Variants in UEVLD observed in about 807,000 individuals in gnomAD.
UEVLD encodes UEV and lactate/malate dehyrogenase domains, also known as ubiquitin-conjugating enzyme E2 variant 3.
A neutral mutation model predicts 58.6 loss-of-function variants in UEVLD; 47 were observed. That is an observed-to-expected ratio of 0.80 (90% CI 0.63 to 1.02). The LOEUF is 1.02. Ranked by LOEUF, UEVLD falls within the 50% of genes least tolerant of loss-of-function variation. The pLI, the probability that UEVLD is intolerant of heterozygous loss-of-function variation, is 0.00. For missense variants in UEVLD, 510 were observed against 550.6 expected (o/e 0.93, Z 0.74); for synonymous variants, 197 against 195.3 (o/e 1.01, Z -0.07).
chr11:18,584,568 G>A (rs1231311440), intron 1 of UEVLD, among the ~76,000 whole-genome samples: 1 of 152,252 alleles, frequency 6.6e-6, no homozygotes, highest in East Asian at 1.9e-4. Flanking sequence ...TGTGATTAGT[G>A]ATTTTATTCC....
chr11:18,565,580 G>A (rs1048302512), intron 5 of UEVLD, among the ~76,000 whole-genome samples: 2 of 152,172 alleles, frequency 1.3e-5, no homozygotes, highest in South Asian at 2.1e-4. Flanking sequence ...TGTAATCCCT[G>A]AACTTTGGGA....
chr11:18,587,125 T>C (rs1317296555), intron 1 of UEVLD, among the ~76,000 whole-genome samples: 4 of 152,204 alleles, frequency 2.6e-5, no homozygotes, highest in African/African-American at 9.6e-5. Context: ...TATTCTACTC[T>C]CACCCTTGAA....
chr11:18,570,109 C>A (rs182504618), intron 4 of UEVLD, 105 bp downstream of exon 4: 3 of 1,196,442 alleles, frequency 2.5e-6, no homozygotes, highest in African/African-American at 3.2e-5. Flanking sequence ...TGAAGAATAT[C>A]ATTGAAAGAA....
In UEVLD at chr11:18,531,316, C is replaced by T. The variant is rs192322377; in HGVS notation, c.*1004G>A. The stretch of plus-strand genomic sequence containing the variant: ...AATAATAAAGTGCTTATCATGCTGC[C>T]TGGTATATATGAAGTGTTGATGTTA... On this transcript the variant is annotated 3_prime_UTR_variant, in exon 12 of 12. Transcript: ENST00000396197. 4.6e-5 allele frequency: 7 copies of T among 152,208 alleles called. No homozygotes were observed. The highest frequency in any genetic ancestry group is 3.9e-4 in the Admixed American group (6 of 15,294). The allele number at this position is 152,208 out of a possible 1,614,324, so 9.4% of individuals were successfully genotyped here.
intron 9 of UEVLD, among the ~76,000 whole-genome samples, chr11:18,541,440 A>G (rs1477895039): frequency 6.6e-6 from 1 of 152,218 alleles, no homozygotes; most frequent in Non-Finnish European, 1.5e-5. Context: ...TGTCCCTAGG[A>G]AGAAGGATTG....
At chr11:18,586,369 C>A (rs1853561769) in intron 1 of UEVLD, among the ~76,000 whole-genome samples, 1 of 152,064 alleles carries the variant, frequency 6.6e-6, no homozygotes, top group Admixed American at 6.6e-5. Flanking sequence ...AGCGGGCCAC[C>A]ACGCCTGGCT....
intron 1 of UEVLD, among the ~76,000 whole-genome samples, chr11:18,584,377 T>C (rs1035184771): frequency 6.6e-6 from 1 of 152,112 alleles, no homozygotes; most frequent in Non-Finnish European, 1.5e-5. Flanking sequence ...AGCAAGGCTC[T>C]GTCTCTTTAA....
rs1850526665 is a variant in UEVLD, at chr11:18,530,617, C to T, written c.*1703G>A. 1 of 152,424 alleles carries T rather than the reference C, an allele frequency of 6.6e-6. No homozygotes were observed. The highest frequency in any genetic ancestry group is 2.1e-4 in the South Asian group (1 of 4,834). The allele number at this position is 152,424 out of a possible 1,614,324, so 9.4% of individuals were successfully genotyped here. ...CTAGGCTGGAGTGCAGTAGCATGAT[C>T]ATAGCTCATTGCAATCTTGAACTTC... is the stretch of plus-strand genomic sequence containing the variant. On this transcript the variant is annotated 3_prime_UTR_variant, in exon 12 of 12. Transcript: ENST00000396197.
intron 9 of UEVLD, among the ~76,000 whole-genome samples, chr11:18,542,876 T>C (rs796482033): frequency 1.2e-4 from 16 of 133,548 alleles, no homozygotes; most frequent in South Asian, 5.7e-4. Flanking sequence ...AGAGGAGTTA[T>C]TTTCTTTTCT....
At chr11:18,537,325 T>TA (rs34120372) in intron 9 of UEVLD, among the ~76,000 whole-genome samples, 89,719 of 126,498 alleles carry the variant, frequency 0.71, 30,790 homozygotes, top group Non-Finnish European at 0.75. Flanking sequence ...TATATATATA[T>TA]TTTTTTTTTT....
chr11:18,553,969 T>C (rs1455103842), intron 7 of UEVLD, among the ~76,000 whole-genome samples: 1 of 152,208 alleles, frequency 6.6e-6, no homozygotes, highest in Non-Finnish European at 1.5e-5. Context: ...TGGTAAATTT[T>C]ATGTTATGTG....
intron 4 of UEVLD, among the ~76,000 whole-genome samples, chr11:18,569,108 A>AC (rs1852455709): frequency 6.6e-6 from 1 of 152,038 alleles, no homozygotes; most frequent in Non-Finnish European, 1.5e-5. Flanking sequence ...GTTAGCCAAG[A>AC]TGGTCTCGAT....
intron 7 of UEVLD, 146 bp downstream of exon 7, chr11:18,558,082 T>G: frequency 3.8e-6 from 2 of 527,096 alleles, no homozygotes; most frequent in Non-Finnish European, 6.5e-6. Flanking sequence ...GGGTAAGTCA[T>G]TTAACTTATT....
chr11:18,551,500 T>C (rs979900669), intron 7 of UEVLD, among the ~76,000 whole-genome samples: 4 of 151,266 alleles, frequency 2.6e-5, no homozygotes, highest in Non-Finnish European at 4.4e-5. Flanking sequence ...ACTAAGGTCC[T>C]GTCATGTCAC....
At position 18,588,697 on chromosome 11, in the gene UEVLD, G is replaced by T; in HGVS notation, c.-43C>A. On this transcript the variant is annotated 5_prime_UTR_variant, in exon 1 of 12. Transcript: ENST00000396197. ...GCTAGGTCCCAGGACTCCAGCCCCC[G>T]GACCTTCTTCCGGACTTGCTGCAGG... is the stretch of plus-strand genomic sequence containing the variant. The T allele has an allele frequency of 6.3e-7, 1 of 1,597,532 alleles. No homozygotes were observed. Among genetic ancestry groups the T allele is most frequent in the Non-Finnish European group, 8.5e-7 (1 of 1,176,536 alleles).
chr11:18,532,176 G>T lies in UEVLD; in HGVS notation c.*144C>A. 1.5e-6 allele frequency: 1 copy of T among 689,394 alleles called. No homozygotes were observed. Among genetic ancestry groups the T allele is most frequent in the Non-Finnish European group, 2.2e-6 (1 of 450,604 alleles). 42.7% of individuals were successfully genotyped at this position (689,394 alleles called of 1,614,324 possible). ...ACTCCTTAAGGATTTACATCACAAA[G>T]CTAATCAAGAAACCCTCTACTTTAA... On this transcript the variant is annotated 3_prime_UTR_variant, in exon 12 of 12. Coordinates refer to ENST00000396197, the MANE Select transcript of UEVLD (RefSeq NM_001040697.4).
chr11:18,572,091 C>T (rs1003125133), intron 3 of UEVLD, among the ~76,000 whole-genome samples: 1 of 152,026 alleles, frequency 6.6e-6, no homozygotes, highest in Non-Finnish European at 1.5e-5. Flanking sequence ...AAAAAATTAG[C>T]CAGGTGTGGT....
At chr11:18,586,989 G>A (rs11825249) in intron 1 of UEVLD, among the ~76,000 whole-genome samples, 329 of 152,146 alleles carry the variant, frequency 2.2e-3, no homozygotes, top group African/African-American at 7.5e-3. Context: ...CAGAGATCGC[G>A]CCACTGCACT....
In UEVLD at chr11:18,582,160, G is replaced by A. The variant is rs140629854; in HGVS notation, c.43-3352C>T. On this transcript the variant is annotated intron_variant, in intron 1 of 11. Transcript: ENST00000396197. ...TCATTTTCCACTATTTTTTACATCC[G>A]TAAAATCATTGGAGAACATGATTAT... Among the ~76,000 whole-genome samples, 1,299 of 152,080 alleles carry A rather than the reference G, an allele frequency of 8.5e-3. 11 individuals carry two copies. The highest frequency in any genetic ancestry group is 0.034 in the Middle Eastern group (10 of 292).
Sources: allele counts gnomAD v4.1 joint callset (sites outside exome capture counted in the v4.1 genomes callset), GRCh38; gene constraint gnomAD v4.1.1; transcripts MANE v1.5; gene names NCBI Gene and HGNC (gene_info 2026-07-23, HGNC 2026-07-21).